The following SDK2 variants were observed in gnomAD, a reference collection of about 807,000 sequenced individuals.
SDK2 encodes sidekick cell adhesion molecule 2.
SDK2 carries 105 observed loss-of-function variants against 253.9 expected under a neutral mutation model. The ratio of observed to expected loss-of-function variants is 0.41; its 90% CI spans 0.35 to 0.49. The LOEUF is 0.49. Ranked by LOEUF, SDK2 falls within the 20% of genes least tolerant of loss-of-function variation. The pLI is 0.06. For synonymous variants in SDK2, 1,249 were observed against 1,234.9 expected (o/e 1.01, Z -0.24); for missense variants, 2,608 against 3,003.0 (o/e 0.87, Z 3.07).
In SDK2 at chr17:73,432,025, T is replaced by A. The variant is rs111864336; in HGVS notation, c.1313-356A>T. On this transcript the variant is annotated intron_variant, in intron 10 of 44. Coordinates refer to ENST00000392650, the MANE Select transcript of SDK2 (RefSeq NM_001144952.2). ...CCTCAGAGGCAGCTGGCACCCGGGT[T>A]GGGGGAGCTGGCGGGGGGACAGCTC... Among the ~76,000 whole-genome samples the A allele has an allele frequency of 1.8e-4, 28 of 151,778 alleles. 1 individual carries two copies. In the East Asian group the frequency reaches 5.1e-3, roughly 28 times the overall value.
At chr17:73,640,003 T>C (rs934200160) in intron 1 of SDK2, among the ~76,000 whole-genome samples, 3 of 152,234 alleles carry the variant, frequency 2.0e-5, no homozygotes, top group Non-Finnish European at 4.4e-5. Flanking sequence ...CCCCTCCTTG[T>C]TAGCTTACAG....
At chr17:73,356,031 G>A (rs373065295) in intron 40 of SDK2, among the ~76,000 whole-genome samples, 44 of 152,166 alleles carry the variant, frequency 2.9e-4, no homozygotes, top group African/African-American at 9.4e-4. Flanking sequence ...CAGCAATGGC[G>A]AGAGGGATGA....
At chr17:73,487,832 T>C (rs1018819196) in intron 2 of SDK2, among the ~76,000 whole-genome samples, 1 of 152,172 alleles carries the variant, frequency 6.6e-6, no homozygotes, top group Non-Finnish European at 1.5e-5. Flanking sequence ...ACTTTGATCA[T>C]AGTTAATGAA....
intron 1 of SDK2, among the ~76,000 whole-genome samples, chr17:73,509,902 CAA>C (rs71157018): frequency 7.1e-4 from 18 of 25,390 alleles, no homozygotes; most frequent in East Asian, 2.5e-3. Context: ...TCCATCTCTA[CAA>C]AAAAAAAAAA....
chr17:73,603,579 C>T (rs1045846381), intron 1 of SDK2, among the ~76,000 whole-genome samples: 40 of 152,340 alleles, frequency 2.6e-4, no homozygotes, highest in Non-Finnish European at 4.4e-5. Flanking sequence ...CTGTAGCTCC[C>T]ACTCTCAACT....
chr17:73,395,912 TTTTTC>T lies in SDK2; in HGVS notation c.3355-525_3355-521del, dbSNP rs1426824438. On this transcript the variant is annotated intron_variant, in intron 24 of 44. Transcript: ENST00000392650. The surrounding 1 kb of genome is among the most constrained non-coding windows in gnomAD (Gnocchi z 4.3). ...CTCTCCTGCTGCATTTTCAGCCTCCTTTTTCTTTTCTTTTTTTTTTTTAAGACAGG... is the reference window on the plus strand; with the variant it reads ...CTCTCCTGCTGCATTTTCAGCCTCCTTTTTCTTTTTTTTTTTTAAGACAGG... 2.7e-4 allele frequency among the ~76,000 whole-genome samples: 41 copies of T among 151,020 alleles called. No homozygotes were observed. Among genetic ancestry groups the T allele is most frequent in the African/African-American group, 7.1e-4 (29 of 40,826 alleles).
At chr17:73,519,157 A>G (rs2064055730) in intron 1 of SDK2, 1 of 152,266 alleles carries the variant, frequency 6.6e-6, no homozygotes, top group African/African-American at 2.4e-5. Context: ...TTGGTCAGCG[A>G]TGGTGCCACC....
At chr17:73,423,895 G>A (rs751360271) in intron 13 of SDK2, 21 bp downstream of exon 13, 2 of 1,534,066 alleles carry the variant, frequency 1.3e-6, no homozygotes. Flanking sequence ...CTCTGCCGGG[G>A]TCTGGGAGGG....
At chr17:73,499,283 G>T (rs1020218917) in intron 2 of SDK2, among the ~76,000 whole-genome samples, 1 of 152,230 alleles carries the variant, frequency 6.6e-6, no homozygotes, top group Non-Finnish European at 1.5e-5. Flanking sequence ...CCTTGCTGGG[G>T]CCGTCACATG....
chr17:73,461,193 G>A (rs1364166293), intron 3 of SDK2, among the ~76,000 whole-genome samples: 3 of 152,248 alleles, frequency 2.0e-5, no homozygotes, highest in Admixed American at 2.0e-4. Context: ...CTGGGCCTGT[G>A]CCCTGCACAC....
rs907212920 is a variant in SDK2, at chr17:73,433,589, G to A, written c.1312+143C>T. ...TAGGCATGAGCCACCGCGCCCGGCC[G>A]AGAGATGCTCTCTTGGGTTGTACAG... On this transcript the variant is annotated intron_variant, in intron 10 of 44. Coordinates refer to ENST00000392650, the MANE Select transcript of SDK2 (RefSeq NM_001144952.2). 3.7e-5 allele frequency: 23 copies of A among 615,330 alleles called. 1 individual carries two copies. The highest frequency in any genetic ancestry group is 1.3e-4 in the South Asian group (7 of 52,050). 38.1% of individuals were successfully genotyped at this position (615,330 alleles called of 1,614,324 possible). A position where few individuals can be genotyped will look rare whatever the true frequency, so the allele number is the denominator to read the frequency against.
intron 1 of SDK2, among the ~76,000 whole-genome samples, chr17:73,614,218 G>T (rs1456442757): frequency 1.3e-5 from 2 of 151,822 alleles, no homozygotes; most frequent in Non-Finnish European, 2.9e-5. Context: ...CACTCACTTA[G>T]CCTGGAAAGT....
chr17:73,442,649 C>A (rs568229333), intron 5 of SDK2, among the ~76,000 whole-genome samples: 4 of 152,232 alleles, frequency 2.6e-5, no homozygotes, highest in African/African-American at 7.2e-5. Context: ...CCAACTCCTG[C>A]GGTCTTGACG....
chr17:73,384,070 C>A (rs1029543880), intron 32 of SDK2, 59 bp from the exon 33 acceptor site: 2 of 1,567,364 alleles, frequency 1.3e-6, no homozygotes, highest in Non-Finnish European at 8.7e-7. Context: ...CCCCTCCCCA[C>A]GCTCTCTCAT....
chr17:73,524,590 A>T (rs1176982102), intron 1 of SDK2, among the ~76,000 whole-genome samples: 1 of 152,162 alleles, frequency 6.6e-6, no homozygotes, highest in African/African-American at 2.4e-5. Context: ...GCATGACTGG[A>T]GCAGGGGGCC....
In SDK2 at chr17:73,588,589, C is replaced by T. The variant is rs76012201; in HGVS notation, c.64+55436G>A. ...TCAGGGCCAACTCAACTTTGCCCCC[C>T]AGGGGACATCTGGAAGCATTTTTGG... On this transcript the variant is annotated intron_variant, in intron 1 of 44. Coordinates refer to ENST00000392650, the MANE Select transcript of SDK2 (RefSeq NM_001144952.2). Among the ~76,000 whole-genome samples the T allele has an allele frequency of 5.3e-3, 806 of 151,570 alleles. 9 individuals are homozygous for T. Among genetic ancestry groups the T allele is most frequent in the African/African-American group, 0.017 (700 of 41,078 alleles).
chr17:73,589,664 C>T lies in SDK2; in HGVS notation c.64+54361G>A, dbSNP rs146320156. Among the ~76,000 whole-genome samples the T allele has an allele frequency of 2.2e-4, 33 of 152,316 alleles. No individual in the cohort carries two copies. The East Asian group carries it at 5.8e-3, about 27-fold the overall frequency. ...CTGTCCTATGTCAGCATCAGCTGGC[C>T]CTGACCAAGGATAATGCTGATCTGG... On this transcript the variant is annotated intron_variant, in intron 1 of 44. Transcript: ENST00000392650.
rs78370288 is a variant in SDK2, at chr17:73,435,027, G to T, written c.1195+423C>A. On this transcript the variant is annotated intron_variant, in intron 9 of 44. Coordinates refer to ENST00000392650, the MANE Select transcript of SDK2 (RefSeq NM_001144952.2). This position sits in a 1 kb window ranked among gnomAD's most constrained non-coding sequence, Gnocchi z 5.7. ...AGACTCCAAGGGCAGAAAGGGATTT[G>T]CGAGCAGGAGAACTAAGAGAAAAAC... Among the ~76,000 whole-genome samples the T allele has an allele frequency of 4.6e-3, 698 of 152,310 alleles. 18 individuals carry two copies. Among genetic ancestry groups the T allele is most frequent in the East Asian group, 0.034 (176 of 5,182 alleles).
chr17:73,410,671 C>T lies in SDK2; in HGVS notation c.2484+3973G>A, dbSNP rs118164760. Among the ~76,000 whole-genome samples, 8 of 152,288 alleles carry T rather than the reference C, an allele frequency of 5.3e-5. No homozygotes were observed. In the East Asian group the frequency reaches 1.2e-3, roughly 22 times the overall value. Reference sequence around the variant, plus strand: ...TGCTTGCATGAAAGATAAATGTGAGCGAAGCATTTAGTGTACTGCCTGGCC... The same window carrying T: ...TGCTTGCATGAAAGATAAATGTGAGTGAAGCATTTAGTGTACTGCCTGGCC... On this transcript the variant is annotated intron_variant, in intron 18 of 44. Coordinates refer to ENST00000392650, the MANE Select transcript of SDK2 (RefSeq NM_001144952.2).
Sources: allele counts gnomAD v4.1 joint callset (sites outside exome capture counted in the v4.1 genomes callset), GRCh38; gene constraint gnomAD v4.1.1; non-coding constraint Gnocchi (gnomAD v3.1); transcripts MANE v1.5; gene names NCBI Gene and HGNC (gene_info 2026-07-23, HGNC 2026-07-21).